The following DCLK1 variants were observed in gnomAD, a reference collection of about 807,000 sequenced individuals.
DCLK1 encodes serine/threonine-protein kinase DCLK1.
A neutral mutation model predicts 86.2 loss-of-function variants in DCLK1; 16 were observed. That is an observed-to-expected ratio of 0.19 (90% confidence interval 0.13 to 0.28). The LOEUF (loss-of-function observed/expected upper bound fraction) is 0.28, where lower values mean the gene tolerates loss of function less well. Ranked by LOEUF, DCLK1 falls within the 10% of genes least tolerant of loss-of-function variation. DCLK1 has a pLI of 1.00. For missense variants in DCLK1, 590 were observed against 940.2 expected (o/e 0.63, Z 4.87); for synonymous variants, 369 against 370.5 (o/e 1.00, Z 0.05).
intron 15 of DCLK1, among the ~76,000 whole-genome samples, chr13:35,803,266 C>T (rs372999800): frequency 5.3e-5 from 8 of 152,090 alleles, no homozygotes; most frequent in South Asian, 4.2e-4. Flanking sequence ...TTATGAGGCT[C>T]AAGTAAGATG....
chr13:35,925,888 A>C (rs1051861977), intron 4 of DCLK1, among the ~76,000 whole-genome samples: 8 of 152,176 alleles, frequency 5.3e-5, no homozygotes, highest in African/African-American at 1.9e-4. Context: ...CAAGATATGC[A>C]GTGTAATTCT....
chr13:35,939,620 C>T (rs1876971633), intron 4 of DCLK1, among the ~76,000 whole-genome samples: 1 of 152,170 alleles, frequency 6.6e-6, no homozygotes, highest in African/African-American at 2.4e-5. Context: ...TGGTCTTAAA[C>T]TCCTGTGCTC....
chr13:36,004,052 T>C (rs747153136), intron 3 of DCLK1, among the ~76,000 whole-genome samples: 13 of 152,210 alleles, frequency 8.5e-5, no homozygotes, highest in Admixed American at 2.0e-4. Flanking sequence ...AAAGATTAAA[T>C]ATAAAAAGTC....
At chr13:36,055,009 T>G (rs1333567726) in intron 3 of DCLK1, among the ~76,000 whole-genome samples, 1 of 152,116 alleles carries the variant, frequency 6.6e-6, no homozygotes, top group African/African-American at 2.4e-5. Context: ...CTATGGAGAA[T>G]GCAGTAGGAG....
chr13:35,791,144 T>C (rs1263460499), intron 16 of DCLK1, among the ~76,000 whole-genome samples: 1 of 152,194 alleles, frequency 6.6e-6, no homozygotes, highest in African/African-American at 2.4e-5. Context: ...ATTGATATTC[T>C]CTTTTATGCT....
intron 12 of DCLK1, 55 bp downstream of exon 12, chr13:35,810,780 G>C (rs779141308): frequency 1.9e-6 from 3 of 1,589,330 alleles, no homozygotes; most frequent in Middle Eastern, 1.7e-4. Flanking sequence ...TCCTATTCTC[G>C]AAGCGGGCTA....
At chr13:35,987,975 G>A (rs1398651544) in intron 3 of DCLK1, among the ~76,000 whole-genome samples, 1 of 152,176 alleles carries the variant, frequency 6.6e-6, no homozygotes, top group Non-Finnish European at 1.5e-5. Flanking sequence ...CCAGTCTCAG[G>A]CCAGCCTCCT....
In DCLK1 at chr13:36,055,777, C is replaced by A. The variant is rs905374663; in HGVS notation, c.723+56092G>T. Among the ~76,000 whole-genome samples the A allele has an allele frequency of 5.3e-5, 8 of 151,060 alleles. No individual in the cohort carries two copies. The East Asian group carries it at 1.6e-3, about 30-fold the overall frequency. On this transcript the variant is annotated intron_variant, in intron 3 of 16. Coordinates refer to ENST00000360631, the MANE Select transcript of DCLK1 (RefSeq NM_001330071.2). ...GAGGTCAGTAATAGGTCTTTTATTT[C>A]TATTTTTAAGCAGTTCTGATTTATT...
At chr13:36,016,863 T>C (rs192011377) in intron 3 of DCLK1, among the ~76,000 whole-genome samples, 1 of 152,346 alleles carries the variant, frequency 6.6e-6, no homozygotes, top group African/African-American at 2.4e-5. Context: ...TTTTATGGCA[T>C]GAAGTCTTTG....
intron 6 of DCLK1, chr13:35,848,608 T>C: frequency 2.0e-6 from 2 of 985,356 alleles, no homozygotes; most frequent in African/African-American, 1.7e-5. Context: ...CCATGGGCTC[T>C]ATATCAATTG....
At chr13:35,849,710 A>G in intron 6 of DCLK1, 1 of 985,106 alleles carries the variant, frequency 1.0e-6, no homozygotes, top group South Asian at 4.7e-5. Flanking sequence ...AGTTTTGCAT[A>G]TGAAAATTTC....
intron 4 of DCLK1, among the ~76,000 whole-genome samples, chr13:35,934,287 C>T (rs562580537): frequency 7.9e-5 from 12 of 152,336 alleles, no homozygotes; most frequent in African/African-American, 2.6e-4. Flanking sequence ...GCTGCTTCCA[C>T]ATTTTTGGGT....
At chr13:36,082,149 T>C (rs1884441578) in intron 3 of DCLK1, among the ~76,000 whole-genome samples, 1 of 152,062 alleles carries the variant, frequency 6.6e-6, no homozygotes, top group South Asian at 2.1e-4. Flanking sequence ...GCCTCCCCTT[T>C]CACCTCCTCC....
At chr13:35,805,880 A>G in intron 14 of DCLK1, 101 bp from the exon 15 acceptor site, 3 of 1,038,228 alleles carry the variant, frequency 2.9e-6, no homozygotes, top group South Asian at 1.8e-5. Context: ...AAGCATTTGT[A>G]AAAGCTCTAA....
At chr13:35,851,995 A>ATATG (rs1555344391) in intron 6 of DCLK1, among the ~76,000 whole-genome samples, 6,293 of 143,598 alleles carry the variant, frequency 0.044, 194 homozygotes, top group East Asian at 0.12. Context: ...ATGTGTGTGT[A>ATATG]TGTGTGTGTG....
At chr13:35,841,018 T>C (rs1869755767) in intron 6 of DCLK1, among the ~76,000 whole-genome samples, 1 of 152,178 alleles carries the variant, frequency 6.6e-6, no homozygotes, top group South Asian at 2.1e-4. Flanking sequence ...CATAATGGTG[T>C]TCCAAACAGA....
intron 6 of DCLK1, chr13:35,847,872 G>A (rs1360091886): frequency 1.1e-5 from 11 of 985,160 alleles, no homozygotes; most frequent in Non-Finnish European, 1.3e-5. Flanking sequence ...TGGCAGTACA[G>A]AAACTGTCTA....
chr13:35,859,399 G>A (rs1466177155), intron 5 of DCLK1, among the ~76,000 whole-genome samples: 1 of 152,128 alleles, frequency 6.6e-6, no homozygotes, highest in East Asian at 1.9e-4. Context: ...AATGAGAAGT[G>A]CTCAACTTCA....
At position 35,999,303 on chromosome 13, in the gene DCLK1, C is replaced by T. The variant is rs185044595; in HGVS notation, c.724-51846G>A. 3.9e-4 allele frequency among the ~76,000 whole-genome samples: 60 copies of T among 152,134 alleles called. No individual in the cohort carries two copies. The East Asian group carries it at 0.01, about 26-fold the overall frequency. ...ATAAGTTTCTGCTCCCACAATTACA[C>T]TTTTTCTGAATAGTCAATGGATATG... is the stretch of plus-strand genomic sequence containing the variant. On this transcript the variant is annotated intron_variant, in intron 3 of 16. Coordinates refer to ENST00000360631, the MANE Select transcript of DCLK1 (RefSeq NM_001330071.2).
Sources: allele counts gnomAD v4.1 joint callset (sites outside exome capture counted in the v4.1 genomes callset), GRCh38; gene constraint gnomAD v4.1.1; transcripts MANE v1.5; gene names NCBI Gene and HGNC (gene_info 2026-07-23, HGNC 2026-07-21).